The following VOPP1 variants were observed in gnomAD, a reference collection of about 807,000 sequenced individuals.
VOPP1 encodes the protein WW domain binding protein VOPP1.
Under a neutral mutation model 23.5 loss-of-function variants are expected in VOPP1, and 8 were observed. The observed-to-expected ratio is 0.34, with a 90% CI of 0.20 to 0.61. VOPP1 has a LOEUF of 0.61. Ranked by LOEUF, VOPP1 falls within the 20% of genes least tolerant of loss-of-function variation. The pLI is 0.78. For synonymous variants in VOPP1, 83 were observed against 97.3 expected (o/e 0.85, Z 0.86); for missense variants, 174 against 238.1 (o/e 0.73, Z 1.77).
chr7:55,566,864 G>T (rs1262626457), intron 1 of VOPP1, among the ~76,000 whole-genome samples: 1 of 152,144 alleles, frequency 6.6e-6, no homozygotes, highest in Non-Finnish European at 1.5e-5. Flanking sequence ...AGAAGGTGAG[G>T]CCTGGAAAAG....
chr7:55,449,354 G>A (rs965404873), intron 4 of VOPP1, among the ~76,000 whole-genome samples: 1 of 152,140 alleles, frequency 6.6e-6, no homozygotes, highest in Non-Finnish European at 1.5e-5. Context: ...CGCCACTGCG[G>A]CCCTGCCTCG....
intron 1 of VOPP1, among the ~76,000 whole-genome samples, chr7:55,550,300 G>T (rs116615052): frequency 1.3e-5 from 2 of 152,214 alleles, no homozygotes; most frequent in African/African-American, 4.8e-5. Flanking sequence ...AACACAGATT[G>T]TAAACAAACG....
intron 4 of VOPP1, among the ~76,000 whole-genome samples, chr7:55,474,229 C>T (rs1213238558): frequency 2.0e-5 from 3 of 152,248 alleles, no homozygotes; most frequent in South Asian, 2.1e-4. Context: ...ATGCCACCTG[C>T]GCTGCTCTGA....
intron 4 of VOPP1, among the ~76,000 whole-genome samples, chr7:55,457,454 G>A (rs529152718): frequency 4.6e-5 from 7 of 152,274 alleles, no homozygotes; most frequent in Non-Finnish European, 8.8e-5. Flanking sequence ...GTGATACACC[G>A]ATTTCCTGTC....
At chr7:55,531,551 C>G (rs1796500266) in intron 1 of VOPP1, among the ~76,000 whole-genome samples, 1 of 151,992 alleles carries the variant, frequency 6.6e-6, no homozygotes, top group South Asian at 2.1e-4. Flanking sequence ...GGGGTTGCAC[C>G]CTGTTGGCCA....
At chr7:55,465,921 G>GA (rs1377869117), downstream of VOPP1, among the ~76,000 whole-genome samples, 3 of 152,188 alleles carry the variant, frequency 2.0e-5, no homozygotes, top group African/African-American at 7.2e-5. Context: ...GCTATGGACT[G>GA]AATGTCTGTG....
intron 1 of VOPP1, among the ~76,000 whole-genome samples, chr7:55,548,771 T>C (rs114376785): frequency 1.3e-5 from 2 of 152,364 alleles, no homozygotes; most frequent in African/African-American, 4.8e-5. Flanking sequence ...CTGGGAAATA[T>C]AGTCCATAAT....
intron 1 of VOPP1, among the ~76,000 whole-genome samples, chr7:55,540,604 T>C (rs1183429182): frequency 6.6e-6 from 1 of 152,084 alleles, no homozygotes; most frequent in African/African-American, 2.4e-5. Flanking sequence ...GACCTCCACC[T>C]GGTGCCCAGC....
chr7:55,501,755 A>AG (rs906816654), intron 2 of VOPP1, among the ~76,000 whole-genome samples: 2 of 152,100 alleles, frequency 1.3e-5, no homozygotes, highest in African/African-American at 4.8e-5. Flanking sequence ...GAGGGGAATA[A>AG]GGGGGGTGCA....
rs557135864 is a variant in VOPP1, at chr7:55,438,978, C to T, written n.418-2804G>A. ...CACAGTGGCTGGACATCTGGCAGGG[C>T]GCCACAGGCTGAGGCATGCAGGTTG... On this transcript the variant is annotated intron_variant and non_coding_transcript_variant, in intron 4 of 4. Transcript: ENST00000462326. 2.0e-4 allele frequency among the ~76,000 whole-genome samples: 30 copies of T among 152,094 alleles called. No individual in the cohort carries two copies. In the South Asian group the frequency reaches 5.6e-3, roughly 28 times the overall value.
intron 2 of VOPP1, among the ~76,000 whole-genome samples, chr7:55,505,992 A>T (rs1291735689): frequency 6.6e-6 from 1 of 152,216 alleles, no homozygotes; most frequent in African/African-American, 2.4e-5. Flanking sequence ...CCAACCCAAT[A>T]GGACCTTAGA....
In VOPP1 at chr7:55,521,453, G is replaced by A. The variant is rs547722317; in HGVS notation, c.55-323C>T. On this transcript the variant is annotated intron_variant, in intron 1 of 4. Transcript: ENST00000285279. ...ATGATACTTCAGATTACAAAAGAAT[G>A]CTAGAAATAAAGCACTGCAAAGATT... 1.5e-3 allele frequency: 1,228 copies of A among 793,900 alleles called. 2 individuals carry two copies. The highest frequency in any genetic ancestry group is 2.7e-3 in the South Asian group (57 of 21,424). 49.2% of individuals were successfully genotyped at this position (793,900 alleles called of 1,614,324 possible).
rs935733100 is a variant in VOPP1, at chr7:55,477,393, G to A, written c.329-4348C>T. Among the ~76,000 whole-genome samples, 4 of 152,196 alleles carry A rather than the reference G, an allele frequency of 2.6e-5. No homozygotes were observed. In the East Asian group the frequency reaches 5.8e-4, roughly 22 times the overall value. On this transcript the variant is annotated intron_variant, in intron 4 of 4. Transcript: ENST00000285279. The stretch of plus-strand genomic sequence containing the variant: ...TGGCGACTTGGATCTGGACTTTGGC[G>A]CTGCCAGATTGTGCTGGGTGTGCAT...
At chr7:55,505,414 T>C (rs1336179099) in intron 2 of VOPP1, among the ~76,000 whole-genome samples, 4 of 152,080 alleles carry the variant, frequency 2.6e-5, no homozygotes, top group Admixed American at 1.3e-4. Context: ...AAGTGAGTCC[T>C]GGCTTAGCTG....
At chr7:55,508,209 G>A (rs143829238) in intron 2 of VOPP1, among the ~76,000 whole-genome samples, 1,672 of 152,318 alleles carry the variant, frequency 0.011, 11 homozygotes, top group Middle Eastern at 0.02. Flanking sequence ...GTGAAGAGGT[G>A]AGGTAAGATG....
At chr7:55,542,556 G>A (rs1007182443) in intron 1 of VOPP1, among the ~76,000 whole-genome samples, 12 of 152,136 alleles carry the variant, frequency 7.9e-5, no homozygotes, top group African/African-American at 2.9e-4. Flanking sequence ...TTGGGAGGCC[G>A]AGGCGGGCAG....
intron 1 of VOPP1, among the ~76,000 whole-genome samples, chr7:55,524,573 A>G (rs947731796): frequency 1.3e-5 from 2 of 152,252 alleles, no homozygotes; most frequent in African/African-American, 4.8e-5. Context: ...TGACAGCCAG[A>G]TAATATGAAG....
Position 55,450,236 on chromosome 7 carries a change from G to A in VOPP1, n.418-14062C>T, listed in dbSNP as rs367650938. 1.6e-3 allele frequency among the ~76,000 whole-genome samples: 236 copies of A among 152,226 alleles called. 13 individuals are homozygous for A. The South Asian group carries it at 0.044, about 28-fold the overall frequency. On this transcript the variant is annotated intron_variant and non_coding_transcript_variant, in intron 4 of 4. Transcript: ENST00000462326. ...AGGCTGGTCCTAGTGTTACCTCCCC[G>A]ACCTGGGGGTGTTCTTGAGGTCCCA...
intron 1 of VOPP1, among the ~76,000 whole-genome samples, chr7:55,522,428 G>A (rs571090004): frequency 1.3e-5 from 2 of 152,324 alleles, no homozygotes; most frequent in South Asian, 4.1e-4. Flanking sequence ...CTCCTGTCCA[G>A]TTTAAGAAAT....
Sources: allele counts gnomAD v4.1 joint callset (sites outside exome capture counted in the v4.1 genomes callset), GRCh38; gene constraint gnomAD v4.1.1; transcripts MANE v1.5; gene names NCBI Gene and HGNC (gene_info 2026-07-23, HGNC 2026-07-21).